The following PILRA variants were observed in gnomAD, a reference collection of about 807,000 sequenced individuals.
PILRA encodes the protein paired immunoglobulin-like type 2 receptor alpha.
A neutral mutation model predicts 33.1 loss-of-function variants in PILRA; 37 were observed. The ratio of observed to expected loss-of-function variants is 1.12; its 90% CI spans 0.86 to 1.47. PILRA has a LOEUF of 1.47. Ranked by LOEUF, PILRA falls within the 40% of genes most tolerant of loss-of-function variation. The pLI, the probability that PILRA is intolerant of heterozygous loss-of-function variation, is 0.00. For missense variants in PILRA, 312 were observed against 376.2 expected (o/e 0.83, Z 1.41); for synonymous variants, 146 against 149.9 (o/e 0.97, Z 0.19).
At chr7:100,382,543 C>T (rs539239557) in intron 2 of PILRA, among the ~76,000 whole-genome samples, 6 of 152,186 alleles carry the variant, frequency 3.9e-5, no homozygotes, top group African/African-American at 1.4e-4. Flanking sequence ...CAATCAGCAC[C>T]CTGTCAAAAC....
intron 2 of PILRA, among the ~76,000 whole-genome samples, chr7:100,389,381 G>T (rs572848272): frequency 1.3e-5 from 2 of 152,340 alleles, no homozygotes; most frequent in South Asian, 4.1e-4. Flanking sequence ...AACGGTGCAT[G>T]TAGAAATGGT....
intron 3 of PILRA, among the ~76,000 whole-genome samples, chr7:100,397,275 G>T (rs147125399): frequency 1.4e-3 from 215 of 152,114 alleles, no homozygotes; most frequent in African/African-American, 4.9e-3. Context: ...TGTGGACCAG[G>T]AGCCCACTGC....
rs34266222 is a variant in PILRA, at chr7:100,399,831, C to T, written c.836C>T (p.Ser279Leu). Residue 279 changes from serine to leucine, a missense_variant, in exon 7 of 7, where the codon TCA becomes TTA. Ser to Leu is a moderately radical substitution (Grantham distance 145). Transcript: ENST00000198536. The part of the protein sequence containing the change: ...YASLALSSST[S>L]PRAPPSHRPL... Reference sequence around the variant, plus strand: ...TCCCTTGCCCTCTCCAGCTCCACCTCACCCAGAGCACCTCCCAGCCACCGT... The same window carrying T: ...TCCCTTGCCCTCTCCAGCTCCACCTTACCCAGAGCACCTCCCAGCCACCGT... 9.7e-3 allele frequency: 15,693 copies of T among 1,613,618 alleles called. 159 individuals are homozygous for T. The highest frequency in any genetic ancestry group is 0.018 in the South Asian group (1,598 of 91,006).
rs368237601 is a variant in PILRA, at chr7:100,389,250, C to T, written c.455-638C>T. Among the ~76,000 whole-genome samples, 422 of 152,204 alleles carry T rather than the reference C, an allele frequency of 2.8e-3. 3 individuals carry two copies. Among genetic ancestry groups the T allele is most frequent in the African/African-American group, 9.8e-3 (406 of 41,502 alleles). On this transcript the variant is annotated intron_variant, in intron 2 of 6. Transcript: ENST00000198536. ...TTAAAAGTAATATTAGAGTTTTTCACAATCAGAATGTCAATAAATTTTTAA... is the reference window on the plus strand; with the variant it reads ...TTAAAAGTAATATTAGAGTTTTTCATAATCAGAATGTCAATAAATTTTTAA...
chr7:100,378,131 T>C (rs769087955), intron 2 of PILRA, among the ~76,000 whole-genome samples: 24 of 151,886 alleles, frequency 1.6e-4, no homozygotes, highest in Non-Finnish European at 3.1e-4. Context: ...CGAAGATGAC[T>C]TGAGCCCAAG....
chr7:100,388,106 GT>G (rs1791293117), intron 2 of PILRA, among the ~76,000 whole-genome samples: 1 of 151,984 alleles, frequency 6.6e-6, no homozygotes, highest in Non-Finnish European at 1.5e-5. Context: ...TATTACTCTA[GT>G]TTTTATTTTC....
intron 2 of PILRA, among the ~76,000 whole-genome samples, chr7:100,388,298 T>C (rs1369923896): frequency 6.6e-6 from 1 of 152,202 alleles, no homozygotes; most frequent in African/African-American, 2.4e-5. Context: ...GAGTACTATG[T>C]CAATTTTTTA....
intron 2 of PILRA, among the ~76,000 whole-genome samples, chr7:100,383,501 G>A (rs1791168575): frequency 6.6e-6 from 1 of 152,186 alleles, no homozygotes; most frequent in Non-Finnish European, 1.5e-5. Flanking sequence ...ACAGGGAAGA[G>A]GCAGAGGGTG....
chr7:100,381,549 G>A (rs1183858224), intron 2 of PILRA, among the ~76,000 whole-genome samples: 1 of 152,116 alleles, frequency 6.6e-6, no homozygotes, highest in East Asian at 1.9e-4. Flanking sequence ...GAATAAATAT[G>A]TAAATGTGAG....
chr7:100,397,157 G>A (rs868085903), intron 3 of PILRA, among the ~76,000 whole-genome samples: 1 of 150,578 alleles, frequency 6.6e-6, no homozygotes, highest in Admixed American at 6.6e-5. Flanking sequence ...TGTAGAAGTG[G>A]AAGGGGAGGT....
At chr7:100,378,968 C>T (rs1418076635) in intron 2 of PILRA, among the ~76,000 whole-genome samples, 3 of 151,554 alleles carry the variant, frequency 2.0e-5, no homozygotes, top group Non-Finnish European at 4.4e-5. Context: ...TGGCGAGCAC[C>T]TGTAGTCCCA....
At chr7:100,392,308 G>T (rs1177871632) in intron 3 of PILRA, among the ~76,000 whole-genome samples, 2 of 152,068 alleles carry the variant, frequency 1.3e-5, no homozygotes, top group Non-Finnish European at 2.9e-5. Flanking sequence ...AAGGAGATTT[G>T]CCCTATCAGC....
At position 100,389,987 on chromosome 7, in the gene PILRA, G is replaced by A; in HGVS notation, c.554G>A (p.Arg185Gln). 3 of 1,614,070 alleles carry A rather than the reference G, an allele frequency of 1.9e-6. No homozygotes were observed. The highest frequency in any genetic ancestry group is 1.1e-5 in the South Asian group (1 of 91,074). ...GGCCTCAGGGTCACACAGGGCAAAC[G>A]ACGCTCAGACTCTTGGCACATAAGT... is the stretch of plus-strand genomic sequence containing the variant. ...TTGLRVTQGK[R>Q]RSDSWHISLE... Residue 185 changes from arginine to glutamine, a missense_variant, in exon 3 of 7, where the codon CGA (arginine) becomes CAA (glutamine). Coordinates refer to ENST00000198536, the MANE Select transcript of PILRA (RefSeq NM_013439.3).
chr7:100,390,355 A>T (rs1175097376), intron 3 of PILRA, among the ~76,000 whole-genome samples: 1 of 152,002 alleles, frequency 6.6e-6, no homozygotes. Context: ...CTTCTCTCTC[A>T]GTCATCACTC....
intron 1 of PILRA, 39 bp downstream of exon 1, chr7:100,373,759 A>G: frequency 6.2e-7 from 1 of 1,609,526 alleles, no homozygotes; most frequent in Non-Finnish European, 8.5e-7. Context: ...GCTCTGCCCA[A>G]ACCACAGGAG....
intron 2 of PILRA, among the ~76,000 whole-genome samples, chr7:100,384,347 G>A (rs1341098262): frequency 6.7e-6 from 1 of 148,218 alleles, no homozygotes; most frequent in East Asian, 2.0e-4. Flanking sequence ...AGTGCAGGGG[G>A]AAAATTGGCT....
rs1791209520 is a variant in PILRA at position 100,384,417 on chromosome 7, A to G, written c.455-5471A>G. On this transcript the variant is annotated intron_variant, in intron 2 of 6. Coordinates refer to ENST00000198536, the MANE Select transcript of PILRA (RefSeq NM_013439.3). ...TAATGGAACCCCGTCTCTACCAAAAAAAAAAAAAAAAATTTTTTTTTTTTT... is the reference window on the plus strand; with the variant it reads ...TAATGGAACCCCGTCTCTACCAAAAGAAAAAAAAAAAATTTTTTTTTTTTT... Among the ~76,000 whole-genome samples the G allele has an allele frequency of 2.6e-5, 4 of 150,952 alleles. No individual in the cohort carries two copies. The East Asian group carries it at 7.8e-4, about 29-fold the overall frequency.
At chr7:100,399,197 T>TC in intron 4 of PILRA, 94 bp from the exon 5 acceptor site, 5 of 821,432 alleles carry the variant, frequency 6.1e-6, no homozygotes, top group Non-Finnish European at 1.0e-5. Context: ...TGCCTCAGTC[T>TC]CCCAAAGTGC....
At chr7:100,378,434 T>G (rs1791002651) in intron 2 of PILRA, among the ~76,000 whole-genome samples, 1 of 152,146 alleles carries the variant, frequency 6.6e-6, no homozygotes, top group African/African-American at 2.4e-5. Flanking sequence ...TTATCCAGTT[T>G]AGGAAAAACA....
Sources: allele counts gnomAD v4.1 joint callset (sites outside exome capture counted in the v4.1 genomes callset), GRCh38; gene constraint gnomAD v4.1.1; transcripts MANE v1.5; gene names NCBI Gene and HGNC (gene_info 2026-07-23, HGNC 2026-07-21).